IQCJ: variants seen among roughly 807,000 people sequenced by gnomAD.
IQCJ encodes IQ domain-containing protein J.
In IQCJ, 9 loss-of-function variants were observed where a neutral mutation model predicts 11.0. That is an observed-to-expected ratio of 0.82 (90% confidence interval 0.49 to 1.43). The LOEUF (loss-of-function observed/expected upper bound fraction) is 1.43. Among genes scored for constraint, IQCJ ranks in the 40% most tolerant of loss-of-function variants. The pLI is 0.00. For synonymous variants in IQCJ, 55 were observed against 51.3 expected (o/e 1.07, Z -0.31); for missense variants, 146 against 133.2 (o/e 1.10, Z -0.47).
downstream of IQCJ, chr3:159,263,860 T>C (rs1728354578): frequency 1.0e-6 from 1 of 968,076 alleles, no homozygotes; most frequent in Middle Eastern, 5.3e-4. Context: ...GAACATTTAG[T>C]GAATCTTCAC....
chr3:159,160,438 G>A (rs1281810371), intron 1 of IQCJ, among the ~76,000 whole-genome samples: 2 of 151,830 alleles, frequency 1.3e-5, no homozygotes, highest in Admixed American at 6.6e-5. Flanking sequence ...GAGTAGCTGG[G>A]ATTATAGATG....
At chr3:159,242,193 T>C (rs1310817269) in intron 1 of IQCJ, among the ~76,000 whole-genome samples, 1 of 151,952 alleles carries the variant, frequency 6.6e-6, no homozygotes, top group East Asian at 1.9e-4. Flanking sequence ...GAGAGATAGG[T>C]GGGGGTTCGT....
chr3:159,120,129 G>A (rs1190595782), intron 1 of IQCJ, among the ~76,000 whole-genome samples: 2 of 152,072 alleles, frequency 1.3e-5, no homozygotes, highest in South Asian at 2.1e-4. Context: ...TAGAAGTTGC[G>A]GTATTTTCTC....
chr3:159,109,527 T>TA (rs3051445), intron 1 of IQCJ, among the ~76,000 whole-genome samples: 16,675 of 122,620 alleles, frequency 0.14, 3,476 homozygotes, highest in African/African-American at 0.45. Context: ...TTGTATTAAC[T>TA]AAAAAAAAAA....
chr3:159,121,880 T>C (rs750322883), intron 1 of IQCJ, among the ~76,000 whole-genome samples: 2 of 152,220 alleles, frequency 1.3e-5, no homozygotes, highest in Admixed American at 6.5e-5. Context: ...TAGAAAACAA[T>C]GTACTTGACA....
chr3:159,261,595 G>C (rs149891166), intron 3 of IQCJ, among the ~76,000 whole-genome samples: 1 of 152,174 alleles, frequency 6.6e-6, no homozygotes, highest in East Asian at 1.9e-4. Context: ...TGCCATGATT[G>C]TAAGTTTCCT....
intron 1 of IQCJ, among the ~76,000 whole-genome samples, chr3:159,138,988 C>T (rs180717256): frequency 3.9e-5 from 6 of 152,290 alleles, no homozygotes; most frequent in Admixed American, 2.6e-4. Context: ...TGTCACTCAG[C>T]CTGAAATTGA....
chr3:159,170,643 CT>C (rs141891539), intron 1 of IQCJ, among the ~76,000 whole-genome samples: 32,593 of 146,520 alleles, frequency 0.22, 4,145 homozygotes, highest in South Asian at 0.38. Flanking sequence ...GCTCCTCACC[CT>C]TTTTTTTTTT....
intron 1 of IQCJ, among the ~76,000 whole-genome samples, chr3:159,116,773 G>T (rs1163464799): frequency 6.6e-6 from 1 of 150,608 alleles, no homozygotes; most frequent in African/African-American, 2.4e-5. Context: ...CAGATCTTTT[G>T]TGCAATTGAA....
intron 1 of IQCJ, among the ~76,000 whole-genome samples, chr3:159,105,284 A>G (rs1267958940): frequency 2.6e-5 from 4 of 152,216 alleles, no homozygotes; most frequent in African/African-American, 7.2e-5. Flanking sequence ...GGACTCAAGT[A>G]TGGCTTTTTC....
chr3:159,107,378 G>A (rs1718329667), intron 1 of IQCJ, among the ~76,000 whole-genome samples: 2 of 152,138 alleles, frequency 1.3e-5, no homozygotes, highest in Non-Finnish European at 1.5e-5. Flanking sequence ...CAGCAAATGT[G>A]CTGGCACCTT....
At chr3:159,138,349 T>C (rs1720415167) in intron 1 of IQCJ, among the ~76,000 whole-genome samples, 1 of 152,206 alleles carries the variant, frequency 6.6e-6, no homozygotes, top group South Asian at 2.1e-4. Context: ...ATTCTCATAA[T>C]AGTCCTTTGG....
Position 159,263,660 on chromosome 3 carries a change from TCAACG to T in IQCJ, c.*933_*937del, listed in dbSNP as rs558836497. ...CTGTGGTAAAAAGGTTTCCCAACAC[TCAACG>T]CAATGTATTCTTTTTGGGATCAGGT... On this transcript the variant is annotated 3_prime_UTR_variant, in exon 4 of 4. Transcript: ENST00000397832. 81 of 985,450 alleles carry T rather than the reference TCAACG, an allele frequency of 8.2e-5. No individual in the cohort carries two copies. The African/African-American group carries it at 1.3e-3, about 15-fold the overall frequency. 61.0% of individuals were successfully genotyped at this position (985,450 alleles called of 1,614,324 possible). A position where few individuals can be genotyped will look rare whatever the true frequency, so the allele number is the denominator to read the frequency against.
At chr3:159,251,331 CT>C (rs1473898915) in intron 2 of IQCJ, among the ~76,000 whole-genome samples, 1 of 151,880 alleles carries the variant, frequency 6.6e-6, no homozygotes, top group Non-Finnish European at 1.5e-5. Context: ...ATTTGAATAG[CT>C]TTCTAACTAG....
chr3:159,171,217 CTCTA>C (rs991422219), intron 1 of IQCJ, among the ~76,000 whole-genome samples: 1 of 151,896 alleles, frequency 6.6e-6, no homozygotes, highest in Admixed American at 6.6e-5. Flanking sequence ...CAACATCTCT[CTCTA>C]TCTAAATCTA....
At chr3:159,131,168 G>A (rs1719965065) in intron 1 of IQCJ, among the ~76,000 whole-genome samples, 1 of 152,146 alleles carries the variant, frequency 6.6e-6, no homozygotes, top group African/African-American at 2.4e-5. Context: ...TTAGCCACAT[G>A]GTGCTAGTTG....
At chr3:159,225,463 T>C (rs899014026) in intron 1 of IQCJ, among the ~76,000 whole-genome samples, 1 of 152,174 alleles carries the variant, frequency 6.6e-6, no homozygotes, top group African/African-American at 2.4e-5. Context: ...TTGATCGTAG[T>C]AGTTGTTAGC....
At chr3:159,142,436 A>C (rs939600106) in intron 1 of IQCJ, among the ~76,000 whole-genome samples, 19 of 149,754 alleles carry the variant, frequency 1.3e-4, no homozygotes, top group African/African-American at 4.2e-4. Context: ...CCCCCCCACC[A>C]GATGGAGTCT....
intron 1 of IQCJ, among the ~76,000 whole-genome samples, chr3:159,235,931 T>C (rs78884109): frequency 0.014 from 2,193 of 152,280 alleles, 49 homozygotes; most frequent in African/African-American, 0.051. Context: ...ATAAGTCCAC[T>C]GTCGACAAGT....
Sources: gnomAD v4.1 joint callset for allele counts (sites outside exome capture counted in the v4.1 genomes callset) on GRCh38, gnomAD v4.1.1 for gene constraint, MANE v1.5 for transcripts, NCBI Gene and HGNC (gene_info 2026-07-23, HGNC 2026-07-21) for gene names.